SPMIP2: variants seen among roughly 807,000 people sequenced by gnomAD.
The protein encoded by SPMIP2 is sperm microtubule inner protein 2.
the SPMIP2 span, among the ~76,000 whole-genome samples, chr4:159,024,650 C>G: frequency 3.3e-5 from 5 of 152,156 alleles, no homozygotes; most frequent in Admixed American, 6.5e-5. Flanking sequence ...TTCTGAATGA[C>G]ATAGAGTTTT....
At chr4:158,954,640 AAAG>A in the SPMIP2 span, among the ~76,000 whole-genome samples, 1 of 152,248 alleles carries the variant, frequency 6.6e-6, no homozygotes, top group African/African-American at 2.4e-5. Context: ...CCAAAGAGCT[AAAG>A]AAGTCCTATC....
At chr4:158,966,280 A>C in the SPMIP2 span, among the ~76,000 whole-genome samples, 1 of 152,222 alleles carries the variant, frequency 6.6e-6, no homozygotes, top group African/African-American at 2.4e-5. Context: ...ATTTTTGTCA[A>C]CATAGCTGAG....
chr4:158,965,683 AG>A, the SPMIP2 span, among the ~76,000 whole-genome samples: 3 of 147,404 alleles, frequency 2.0e-5, no homozygotes, highest in African/African-American at 4.9e-5. Flanking sequence ...AAAAAAAAAA[AG>A]GTACATAGTT....
the SPMIP2 span, among the ~76,000 whole-genome samples, chr4:158,969,680 T>C: frequency 6.6e-6 from 1 of 152,106 alleles, no homozygotes; most frequent in Non-Finnish European, 1.5e-5. Flanking sequence ...GGAGAAACCA[T>C]TCCCAGGTAG....
At chr4:158,932,809 T>C in the SPMIP2 span, among the ~76,000 whole-genome samples, 2 of 152,192 alleles carry the variant, frequency 1.3e-5, no homozygotes, top group South Asian at 2.1e-4. Context: ...CTGCTGATGT[T>C]CATAGTTTCC....
the SPMIP2 span, among the ~76,000 whole-genome samples, chr4:158,912,971 A>T: frequency 6.6e-6 from 1 of 152,196 alleles, no homozygotes; most frequent in African/African-American, 2.4e-5. Context: ...CTTATCTGGG[A>T]TTCCTGACAA....
the SPMIP2 span, chr4:159,026,112 C>T: frequency 3.6e-6 from 1 of 278,172 alleles, no homozygotes; most frequent in African/African-American, 2.2e-5. Flanking sequence ...ACACACCCTC[C>T]TATGCCCACC....
chr4:159,078,789 A>G, the SPMIP2 span, among the ~76,000 whole-genome samples: 1 of 152,218 alleles, frequency 6.6e-6, no homozygotes, highest in Admixed American at 6.5e-5. Context: ...TCCTAGATCA[A>G]TATGATCCAG....
At chr4:159,047,746 C>T in the SPMIP2 span, among the ~76,000 whole-genome samples, 1 of 152,178 alleles carries the variant, frequency 6.6e-6, no homozygotes, top group Non-Finnish European at 1.5e-5. Context: ...AGTGAGGTTG[C>T]CCAATCCCAG....
chr4:159,011,728 C>T, the SPMIP2 span, among the ~76,000 whole-genome samples: 113 of 135,252 alleles, frequency 8.4e-4, no homozygotes, highest in Non-Finnish European at 1.5e-3. Context: ...CACTCCAGCC[C>T]GGGCAACAAG....
chr4:159,046,158 A>C, the SPMIP2 span, among the ~76,000 whole-genome samples: 2 of 151,790 alleles, frequency 1.3e-5, no homozygotes, highest in Non-Finnish European at 2.9e-5. Context: ...TGAACTCAGG[A>C]AGTCGAGGCT....
chr4:159,004,102 T>G, the SPMIP2 span, among the ~76,000 whole-genome samples: 1 of 151,410 alleles, frequency 6.6e-6, no homozygotes, highest in Non-Finnish European at 1.5e-5. Context: ...CTGCAACCTC[T>G]ACCTCCCGGG....
the SPMIP2 span, among the ~76,000 whole-genome samples, chr4:159,057,512 G>A: frequency 7.9e-5 from 12 of 152,194 alleles, no homozygotes; most frequent in Non-Finnish European, 1.6e-4. Flanking sequence ...ATGCATGGCT[G>A]ATGGTAGAGA....
At chr4:158,919,508 C>T in the SPMIP2 span, among the ~76,000 whole-genome samples, 1 of 152,194 alleles carries the variant, frequency 6.6e-6, no homozygotes, top group Non-Finnish European at 1.5e-5. Context: ...ACAGGAATAA[C>T]ACAGAATGAC....
At chr4:158,964,716 T>C in the SPMIP2 span, among the ~76,000 whole-genome samples, 1 of 152,184 alleles carries the variant, frequency 6.6e-6, no homozygotes, top group Non-Finnish European at 1.5e-5. Context: ...TAAGACTGGG[T>C]AATTTGTAAA....
the SPMIP2 span, among the ~76,000 whole-genome samples, chr4:159,048,232 G>C: frequency 9.7e-3 from 1,480 of 152,252 alleles, 16 homozygotes; most frequent in African/African-American, 0.034. Flanking sequence ...GCACAAAAGG[G>C]GGTGGGGTAG....
chr4:158,921,273 T>G, the SPMIP2 span, among the ~76,000 whole-genome samples: 2 of 152,152 alleles, frequency 1.3e-5, no homozygotes, highest in Non-Finnish European at 2.9e-5. Flanking sequence ...ACCCCGTCTC[T>G]ACTAAAAATA....
At chr4:158,977,600 C>CTTT in the SPMIP2 span, among the ~76,000 whole-genome samples, 256 of 72,396 alleles carry the variant, frequency 3.5e-3, 5 homozygotes, top group African/African-American at 4.5e-3. Context: ...TCCTTCAGTT[C>CTTT]TTTTTTTTTT....
the SPMIP2 span, among the ~76,000 whole-genome samples, chr4:158,987,890 A>G: frequency 6.6e-6 from 1 of 152,142 alleles, no homozygotes. Flanking sequence ...AAAAATAACT[A>G]AGATCAGAGC....
Sources: allele counts gnomAD v4.1 joint callset (sites outside exome capture counted in the v4.1 genomes callset), GRCh38; gene constraint gnomAD v4.1.1; transcripts MANE v1.5; gene names NCBI Gene and HGNC (gene_info 2026-07-23, HGNC 2026-07-21).